Variants in GNA15 observed in about 807,000 individuals in gnomAD.
The protein encoded by GNA15 is guanine nucleotide-binding protein subunit alpha-15.
Under a neutral mutation model 40.1 loss-of-function variants are expected in GNA15, and 23 were observed. That is an observed-to-expected ratio of 0.57 (90% CI 0.41 to 0.81). GNA15 has a LOEUF of 0.81. Ranked by LOEUF, GNA15 falls within the 40% of genes least tolerant of loss-of-function variation. The pLI is 0.00. For missense variants in GNA15, 522 were observed against 515.8 expected (o/e 1.01, Z -0.12); for synonymous variants, 226 against 210.4 (o/e 1.07, Z -0.64).
chr19:3,147,409 T>G (rs1385441996), intron 1 of GNA15, among the ~76,000 whole-genome samples: 1 of 151,670 alleles, frequency 6.6e-6, no homozygotes, highest in Non-Finnish European at 1.5e-5. Flanking sequence ...AAAAATTAAC[T>G]AGGCGTGGTG....
chr19:3,161,399 G>A (rs1485926782), intron 6 of GNA15, among the ~76,000 whole-genome samples: 5 of 152,192 alleles, frequency 3.3e-5, no homozygotes, highest in Non-Finnish European at 5.9e-5. Context: ...CTTAGTACAT[G>A]CTTGACACCA....
chr19:3,147,670 G>A (rs968110174), intron 1 of GNA15, among the ~76,000 whole-genome samples: 10 of 152,124 alleles, frequency 6.6e-5, no homozygotes, highest in South Asian at 2.1e-4. Flanking sequence ...ACTTTGGGAG[G>A]CCGAGGCGGG....
At chr19:3,156,508 G>C (rs937618250) in intron 5 of GNA15, among the ~76,000 whole-genome samples, 1 of 151,632 alleles carries the variant, frequency 6.6e-6, no homozygotes, top group Non-Finnish European at 1.5e-5. Flanking sequence ...ACACACATGC[G>C]TGCACACACA....
In GNA15 at chr19:3,136,799, G is replaced by C. The variant is rs1368721090; in HGVS notation, c.145+204G>C. Among the ~76,000 whole-genome samples, 1 of 152,236 alleles carries C rather than the reference G, an allele frequency of 6.6e-6. No homozygotes were observed. Among genetic ancestry groups the C allele is most frequent in the African/African-American group, 2.4e-5 (1 of 41,458 alleles). ...AGAGAAGCCAAGTTCCTTGTCCAAC[G>C]TGCGACCAGCGGCCAGGTGCCCAGG... is the stretch of plus-strand genomic sequence containing the variant. On this transcript the variant is annotated intron_variant, in intron 1 of 6. Transcript: ENST00000262958. This position sits in a 1 kb window ranked among gnomAD's most constrained non-coding sequence, Gnocchi z 4.9.
At chr19:3,160,787 T>G (rs1239044059) in intron 6 of GNA15, among the ~76,000 whole-genome samples, 1 of 152,172 alleles carries the variant, frequency 6.6e-6, no homozygotes, top group Non-Finnish European at 1.5e-5. Context: ...CTTCTGGTGG[T>G]GGCCTACAAT....
chr19:3,137,905 G>A (rs8105048), intron 1 of GNA15, among the ~76,000 whole-genome samples: 90,904 of 151,776 alleles, frequency 0.6, 27,298 homozygotes, highest in Admixed American at 0.67. Flanking sequence ...AGGTTGCAGT[G>A]AGCTGAGATC....
At chr19:3,147,565 G>GA (rs144974355) in intron 1 of GNA15, among the ~76,000 whole-genome samples, 82,222 of 146,318 alleles carry the variant, frequency 0.56, 23,154 homozygotes, top group East Asian at 0.71. Flanking sequence ...AAGAAAAAAA[G>GA]AAAAAAGAAA....
chr19:3,143,865 A>G (rs1287419713), intron 1 of GNA15, among the ~76,000 whole-genome samples: 1 of 151,844 alleles, frequency 6.6e-6, no homozygotes, highest in Non-Finnish European at 1.5e-5. Context: ...TCACGCCTGT[A>G]ATCCCAGCAC....
Position 3,151,097 on chromosome 19 carries a change from T to C in GNA15, c.486-610T>C, listed in dbSNP as rs1914871908. Among the ~76,000 whole-genome samples, 1 of 151,242 alleles carries C rather than the reference T, an allele frequency of 6.6e-6. No homozygotes were observed. Among genetic ancestry groups the C allele is most frequent in the Admixed American group, 6.6e-5 (1 of 15,224 alleles). Reference sequence around the variant, plus strand: ...GGGGAACCCTATTCCTAGAGAACCCTGTTCCCGGAGTGACCCTATTCCTGG... The same window carrying C: ...GGGGAACCCTATTCCTAGAGAACCCCGTTCCCGGAGTGACCCTATTCCTGG... On this transcript the variant is annotated intron_variant, in intron 3 of 6. Transcript: ENST00000262958. The surrounding 1 kb of genome is among the most constrained non-coding windows in gnomAD (Gnocchi z 5.0).
chr19:3,145,581 A>G, intron 1 of GNA15, among the ~76,000 whole-genome samples: 1 of 115,474 alleles, frequency 8.7e-6, no homozygotes, highest in Non-Finnish European at 1.8e-5. Flanking sequence ...ATAGAGTCTC[A>G]CTCTGTCACC....
At position 3,162,855 on chromosome 19, in the gene GNA15, A is replaced by C. The variant is rs762561049; in HGVS notation, c.961A>C (p.Thr321Pro). ...FILDMYTRMY[T>P]GCVDGPEGSK... Reference sequence around the variant, plus strand: ...CCTGGACATGTACACGAGGATGTACACCGGGTGCGTGGACGGCCCCGAGGG... The same window carrying C: ...CCTGGACATGTACACGAGGATGTACCCCGGGTGCGTGGACGGCCCCGAGGG... The change falls in exon 7 of 7, where the codon ACC (threonine) becomes CCC (proline). Residue 321 changes from threonine (T) to proline (P), a missense_variant. By Grantham distance (38) the Thr-to-Pro change is conservative (BLOSUM62 -1). Coordinates refer to ENST00000262958, the MANE Select transcript of GNA15 (RefSeq NM_002068.4). 3.1e-5 allele frequency: 50 copies of C among 1,613,984 alleles called. 1 individual carries two copies. In the Middle Eastern group the frequency reaches 1.5e-3, roughly 48 times the overall value.
intron 1 of GNA15, 38 bp from the exon 2 acceptor site, chr19:3,148,553 C>G: frequency 2.0e-6 from 3 of 1,511,908 alleles, no homozygotes. Context: ...GGTGGGAGTC[C>G]CGTGGAGGGC....
rs1248897452 is a variant in GNA15 at position 3,157,860 on chromosome 19, A to G, written c.877A>G (p.Thr293Ala). 6.2e-7 allele frequency: 1 copy of G among 1,613,444 alleles called. No individual in the cohort carries two copies. The highest frequency in any genetic ancestry group is 1.1e-5 in the South Asian group (1 of 91,068). Residue 293 changes from threonine to alanine, a missense_variant, in exon 6 of 7, where the codon ACC becomes GCC. Thr to Ala is a moderately conservative substitution (Grantham distance 58, BLOSUM62 0). Coordinates refer to ENST00000262958, the MANE Select transcript of GNA15 (RefSeq NM_002068.4). Reference sequence around the variant, plus strand: ...GAAAATCCCCACCTCCCACCTGGCTACCTATTTCCCCAGTTTCCAGGGTAA... The same window carrying G: ...GAAAATCCCCACCTCCCACCTGGCTGCCTATTTCCCCAGTTTCCAGGGTAA... ...EEKIPTSHLA[T>A]YFPSFQGPKQ...
At chr19:3,158,023 C>T in intron 6 of GNA15, 142 bp downstream of exon 6, 1 of 665,848 alleles carries the variant, frequency 1.5e-6, no homozygotes, top group Non-Finnish European at 2.7e-6. Context: ...CAGCTCCATC[C>T]ACTGCCCGAC....
chr19:3,157,894 A>G lies in GNA15; in HGVS notation c.898+13A>G. 1.2e-6 allele frequency: 2 copies of G among 1,600,840 alleles called. No homozygotes were observed. Among genetic ancestry groups the G allele is most frequent in the Non-Finnish European group, 1.7e-6 (2 of 1,167,806 alleles). On this transcript the variant is annotated intron_variant, in intron 6 of 6. Transcript: ENST00000262958. ...CCCAGTTTCCAGGGTAAGTAATTCT[A>G]GAACTTTCTATACCCTTCAACTCCC...
Position 3,163,110 on chromosome 19 carries a change from C to T in GNA15, c.*91C>T, listed in dbSNP as rs1915178815. 2 of 798,944 alleles carry T rather than the reference C, an allele frequency of 2.5e-6. No homozygotes were observed. Among genetic ancestry groups the T allele is most frequent in the Admixed American group, 2.0e-5 (1 of 49,274 alleles). 49.5% of individuals were successfully genotyped at this position (798,944 alleles called of 1,614,324 possible). A position where few individuals can be genotyped will look rare whatever the true frequency, so the allele number is the denominator to read the frequency against. On this transcript the variant is annotated 3_prime_UTR_variant, in exon 7 of 7. Transcript: ENST00000262958. The stretch of plus-strand genomic sequence containing the variant: ...CCCTAGTGTCCCTGGTCTATCTCTC[C>T]AGCCTCGGCCCACACGCAAGGGAGT...
intron 2 of GNA15, 22 bp from the exon 3 acceptor site, chr19:3,150,109 T>G: frequency 6.2e-7 from 1 of 1,606,800 alleles, no homozygotes; most frequent in Non-Finnish European, 8.5e-7. Context: ...CTACCCTAAC[T>G]GCCCCCGTCC....
rs970095746 is a variant in GNA15 at position 3,155,964 on chromosome 19, C to T, written c.744+12C>T. The T allele has an allele frequency of 5.0e-6, 8 of 1,612,264 alleles. No homozygotes were observed. Among genetic ancestry groups the T allele is most frequent in the African/African-American group, 1.3e-5 (1 of 74,890 alleles). ...AGAACAACCAGGAGGTGCGCCACCG[C>T]CTCCCTCGCCCTGCCCACTTGTTGG... On this transcript the variant is annotated intron_variant, in intron 5 of 6. Coordinates refer to ENST00000262958, the MANE Select transcript of GNA15 (RefSeq NM_002068.4). The surrounding 1 kb of genome is among the most constrained non-coding windows in gnomAD (Gnocchi z 5.6).
At chr19:3,157,645 C>A in intron 5 of GNA15, 83 bp from the exon 6 acceptor site, 1 of 1,289,270 alleles carries the variant, frequency 7.8e-7, no homozygotes, top group Non-Finnish European at 1.1e-6. Flanking sequence ...CCCCTGGAGC[C>A]AACAGCCCCG....
Sources: gnomAD v4.1 joint callset for allele counts (sites outside exome capture counted in the v4.1 genomes callset) on GRCh38, gnomAD v4.1.1 for gene constraint, Gnocchi (gnomAD v3.1) non-coding constraint, MANE v1.5 for transcripts, NCBI Gene and HGNC (gene_info 2026-07-23, HGNC 2026-07-21) for gene names.